The following PIP4K2B variants were observed in gnomAD, a reference collection of about 807,000 sequenced individuals.
The protein encoded by PIP4K2B is phosphatidylinositol-5-phosphate 4-kinase type 2 beta, also known as phosphatidylinositol 5-phosphate 4-kinase type-2 beta.
In PIP4K2B, 3 loss-of-function variants were observed where a neutral mutation model predicts 42.0. That is an observed-to-expected ratio of 0.07 (90% CI 0.03 to 0.18). The LOEUF (loss-of-function observed/expected upper bound fraction) is 0.18. Ranked by LOEUF, PIP4K2B falls within the 10% of genes least tolerant of loss-of-function variation. The pLI is 1.00. For synonymous variants in PIP4K2B, 204 were observed against 210.1 expected, an observed-to-expected ratio of 0.97 and a Z score of 0.25; for missense variants, 332 against 562.3, an observed-to-expected ratio of 0.59 and a Z score of 4.14.
At chr17:38,777,831 A>T (rs746002527) in intron 6 of PIP4K2B, 31 bp from the exon 7 acceptor site, 1 of 1,493,674 alleles carries the variant, frequency 6.7e-7, no homozygotes, top group Non-Finnish European at 9.3e-7. Flanking sequence ...AGGCTGGGTA[A>T]GCCTGATTAA....
intron 3 of PIP4K2B, among the ~76,000 whole-genome samples, chr17:38,782,027 TG>T (rs1203912112): frequency 1.3e-5 from 2 of 152,076 alleles, no homozygotes; most frequent in African/African-American, 2.4e-5. Context: ...CAGAAAACCC[TG>T]GTGGAGAAGT....
chr17:38,799,052 T>C lies in PIP4K2B; in HGVS notation c.159+214A>G, dbSNP rs1161328037. ...CAGAAGGGCTGGAGGGAAGGGGAGG[T>C]GGCGACGGCAGACCACAGAGACACC... On this transcript the variant is annotated intron_variant, in intron 1 of 9. Coordinates refer to ENST00000619039, the MANE Select transcript of PIP4K2B (RefSeq NM_003559.5). This position sits in a 1 kb window ranked among gnomAD's most constrained non-coding sequence, Gnocchi z 4.4. Among the ~76,000 whole-genome samples the C allele has an allele frequency of 1.4e-5, 2 of 138,746 alleles. No individual in the cohort carries two copies. Among genetic ancestry groups the C allele is most frequent in the Non-Finnish European group, 3.1e-5 (2 of 63,578 alleles). 91.0% of individuals were successfully genotyped at this position (138,746 alleles called of 152,430 possible).
intron 2 of PIP4K2B, 43 bp downstream of exon 2, chr17:38,786,780 A>C: frequency 5.6e-6 from 7 of 1,251,984 alleles, no homozygotes; most frequent in Non-Finnish European, 8.2e-6. Context: ...CTTGAGGGAA[A>C]GGACTGCCCA....
chr17:38,781,962 A>G (rs1384679298), intron 3 of PIP4K2B, among the ~76,000 whole-genome samples: 1 of 152,030 alleles, frequency 6.6e-6, no homozygotes, highest in East Asian at 1.9e-4. Context: ...ATAGGCATGC[A>G]CCACCATGCC....
At chr17:38,794,499 A>G (rs1316814842) in intron 1 of PIP4K2B, among the ~76,000 whole-genome samples, 1 of 149,642 alleles carries the variant, frequency 6.7e-6, no homozygotes, top group African/African-American at 2.4e-5. Flanking sequence ...ATACAATTAA[A>G]AAAAAAAAAA....
At chr17:38,789,016 G>A (rs1471736129) in intron 1 of PIP4K2B, among the ~76,000 whole-genome samples, 1 of 152,122 alleles carries the variant, frequency 6.6e-6, no homozygotes, top group African/African-American at 2.4e-5. Flanking sequence ...CTACTCAGGA[G>A]GCTGAGGTGG....
intron 1 of PIP4K2B, among the ~76,000 whole-genome samples, chr17:38,793,809 C>T (rs1051840799): frequency 1.3e-5 from 2 of 151,492 alleles, no homozygotes; most frequent in South Asian, 2.1e-4. Flanking sequence ...GAGGTAGGGG[C>T]TTCATTGAGC....
At position 38,773,883 on chromosome 17, in the gene PIP4K2B, T is replaced by C. The variant is rs145076491; in HGVS notation, c.808-2611A>G. Reference sequence around the variant, plus strand: ...ACCTGAGAACATTTATAAAGCAACATGCATTGAAAACAAATGCACTGAGTA... The same window carrying C: ...ACCTGAGAACATTTATAAAGCAACACGCATTGAAAACAAATGCACTGAGTA... On this transcript the variant is annotated intron_variant, in intron 7 of 9. Coordinates refer to ENST00000619039, the MANE Select transcript of PIP4K2B (RefSeq NM_003559.5). Among the ~76,000 whole-genome samples, 315 of 152,238 alleles carry C rather than the reference T, an allele frequency of 2.1e-3. 1 individual carries two copies. The highest frequency in any genetic ancestry group is 7.1e-3 in the African/African-American group (296 of 41,548).
chr17:38,797,839 C>T (rs1317968650), intron 1 of PIP4K2B, among the ~76,000 whole-genome samples: 1 of 152,058 alleles, frequency 6.6e-6, no homozygotes, highest in Non-Finnish European at 1.5e-5. Flanking sequence ...GCAGGAAGAC[C>T]GAGTAACAAA....
intron 3 of PIP4K2B, 141 bp from the exon 4 acceptor site, chr17:38,780,745 CCTT>C: frequency 1.4e-6 from 1 of 710,554 alleles, no homozygotes; most frequent in Non-Finnish European, 2.3e-6. Context: ...TTTACCCTCC[CCTT>C]TTCTCACAGG....
At chr17:38,796,863 T>C (rs1014889139) in intron 1 of PIP4K2B, among the ~76,000 whole-genome samples, 10 of 152,130 alleles carry the variant, frequency 6.6e-5, no homozygotes, top group Non-Finnish European at 1.3e-4. Context: ...GTAGGCTTTT[T>C]TTGAAGGGAG....
intron 8 of PIP4K2B, among the ~76,000 whole-genome samples, chr17:38,770,762 G>C (rs933085951): frequency 1.3e-5 from 2 of 152,024 alleles, no homozygotes; most frequent in African/African-American, 2.4e-5. Flanking sequence ...AATAAAGTTT[G>C]GTTCATCTCA....
chr17:38,777,214 C>T (rs1310194127), intron 7 of PIP4K2B, among the ~76,000 whole-genome samples: 1 of 152,130 alleles, frequency 6.6e-6, no homozygotes, highest in Non-Finnish European at 1.5e-5. Flanking sequence ...CAGGTGTGTG[C>T]CCCTACGCCT....
chr17:38,794,851 C>A (rs983590635), intron 1 of PIP4K2B, among the ~76,000 whole-genome samples: 3 of 151,312 alleles, frequency 2.0e-5, no homozygotes, highest in African/African-American at 7.3e-5. Context: ...TGTAATCCCA[C>A]CACTTTGGGA....
chr17:38,774,273 A>T (rs1342365382), intron 7 of PIP4K2B, among the ~76,000 whole-genome samples: 1 of 152,178 alleles, frequency 6.6e-6, no homozygotes, highest in East Asian at 1.9e-4. Context: ...GGCCCTCCCC[A>T]GTGTGGATGG....
rs1172884907 is a variant in PIP4K2B at position 38,799,056 on chromosome 17, G to C, written c.159+210C>G. Among the ~76,000 whole-genome samples the C allele has an allele frequency of 6.6e-6, 1 of 151,628 alleles. No individual in the cohort carries two copies. The highest frequency in any genetic ancestry group is 2.4e-5 in the African/African-American group (1 of 41,262). On this transcript the variant is annotated intron_variant, in intron 1 of 9. Transcript: ENST00000619039. This position sits in a 1 kb window ranked among gnomAD's most constrained non-coding sequence, Gnocchi z 4.4. ...AGGGCTGGAGGGAAGGGGAGGTGGC[G>C]ACGGCAGACCACAGAGACACCAGGC...
At chr17:38,787,851 G>A (rs1435155308) in intron 1 of PIP4K2B, among the ~76,000 whole-genome samples, 1 of 152,164 alleles carries the variant, frequency 6.6e-6, no homozygotes, top group Non-Finnish European at 1.5e-5. Context: ...ACCTGCCCTG[G>A]CCTCCCAAAG....
rs755093114 is a variant in PIP4K2B at position 38,770,396 on chromosome 17, C to T, written c.1170+40G>A. ...GGTCTGAGGGTAAGCACAGATGCAC[C>T]GACCCAGCTGGGCCCTGGATGAAGA... On this transcript the variant is annotated intron_variant, in intron 9 of 9. Transcript: ENST00000619039. 29 of 1,292,782 alleles carry T rather than the reference C, an allele frequency of 2.2e-5. 1 individual carries two copies. The Middle Eastern group carries it at 1.9e-3, about 85-fold the overall frequency. The allele number at this position is 1,292,782 out of a possible 1,614,324, so 80.1% of individuals were successfully genotyped here.
At chr17:38,782,688 G>A (rs1305450444) in intron 3 of PIP4K2B, among the ~76,000 whole-genome samples, 1 of 152,112 alleles carries the variant, frequency 6.6e-6, no homozygotes, top group East Asian at 1.9e-4. Flanking sequence ...TTCTTTGCAT[G>A]CAAGCCCTCC....
Sources: gnomAD v4.1 joint callset for allele counts (sites outside exome capture counted in the v4.1 genomes callset) on GRCh38, gnomAD v4.1.1 for gene constraint, Gnocchi (gnomAD v3.1) non-coding constraint, MANE v1.5 for transcripts, NCBI Gene and HGNC (gene_info 2026-07-23, HGNC 2026-07-21) for gene names.